ENTHD1: variants seen among roughly 807,000 people sequenced by gnomAD.
The protein encoded by ENTHD1 is ENTH domain containing 1, also known as ENTH domain-containing protein 1.
ENTHD1 carries 23 observed loss-of-function variants against 39.1 expected under a neutral mutation model. That is an observed-to-expected ratio of 0.59 (90% CI 0.42 to 0.83). ENTHD1 has a LOEUF of 0.83. Among genes scored for constraint, ENTHD1 ranks in the 40% least tolerant of loss-of-function variants. The pLI, the probability that ENTHD1 is intolerant of heterozygous loss-of-function variation, is 0.00. For missense variants in ENTHD1, 624 were observed against 705.4 expected (o/e 0.88, Z 1.31); for synonymous variants, 230 against 258.2 (o/e 0.89, Z 1.05).
chr22:39,783,725 T>C (rs2146589584), intron 5 of ENTHD1, among the ~76,000 whole-genome samples: 1 of 152,264 alleles, frequency 6.6e-6, no homozygotes, highest in Middle Eastern at 3.4e-3. Context: ...GATCCCTATC[T>C]CTCGCTATAC....
Position 39,756,327 on chromosome 22 carries a change from C to CAG in ENTHD1, c.1219+8895_1219+8896insCT, listed in dbSNP as rs1362375716. 6.2e-3 allele frequency among the ~76,000 whole-genome samples: 937 copies of CAG among 151,822 alleles called. 37 individuals are homozygous for CAG. In the South Asian group the frequency reaches 0.084, roughly 14 times the overall value. On this transcript the variant is annotated intron_variant, in intron 6 of 6. Transcript: ENST00000325157. The stretch of plus-strand genomic sequence containing the variant: ...TCTCTCTCTCTCTCTCACACACACA[C>CAG]ACACACACACACGCACACACTTTTT...
intron 3 of ENTHD1, among the ~76,000 whole-genome samples, chr22:39,858,973 C>G (rs1004371498): frequency 6.6e-6 from 1 of 152,214 alleles, no homozygotes; most frequent in Non-Finnish European, 1.5e-5. Context: ...CATTGAAAAT[C>G]TATTTAGTGT....
intron 6 of ENTHD1, chr22:39,750,765 A>C (rs1414859543): frequency 2.0e-5 from 3 of 153,604 alleles, no homozygotes; most frequent in African/African-American, 7.2e-5. Context: ...AATAAAAATC[A>C]GTTTCCAAGT....
rs114031096 is a variant in ENTHD1 at position 39,874,539 on chromosome 22, A to C, written c.350-12532T>G. 1.8e-3 allele frequency: 272 copies of C among 152,328 alleles called. 2 individuals carry two copies. Among genetic ancestry groups the C allele is most frequent in the African/African-American group, 6.3e-3 (262 of 41,566 alleles). The allele number at this position is 152,328 out of a possible 1,614,324, so 9.4% of individuals were successfully genotyped here. A position where few individuals can be genotyped will look rare whatever the true frequency, so the allele number is the denominator to read the frequency against. ...CCAAAATGACAAACTTCTACTCATCATAAGACAACATTAGAAATGGAAAAG... is the reference window on the plus strand; with the variant it reads ...CCAAAATGACAAACTTCTACTCATCCTAAGACAACATTAGAAATGGAAAAG... On this transcript the variant is annotated intron_variant, in intron 2 of 6. Coordinates refer to ENST00000325157, the MANE Select transcript of ENTHD1 (RefSeq NM_152512.4).
chr22:39,761,441 T>C (rs2065232098), intron 6 of ENTHD1, among the ~76,000 whole-genome samples: 1 of 152,146 alleles, frequency 6.6e-6, no homozygotes, highest in East Asian at 1.9e-4. Flanking sequence ...TGAAATTCAT[T>C]GGGCATTTTG....
chr22:39,871,082 A>ACTCT lies in ENTHD1; in HGVS notation c.350-9076_350-9075insAGAG, dbSNP rs557450741. ...ACTTGTAGTCCCCACTACTCAGGAGACAACTTGAGCCCAGGAGTTGGAAGC... is the reference window on the plus strand; with the variant it reads ...ACTTGTAGTCCCCACTACTCAGGAGACTCTCAACTTGAGCCCAGGAGTTGGAAGC... On this transcript the variant is annotated intron_variant, in intron 2 of 6. Transcript: ENST00000325157. Among the ~76,000 whole-genome samples, 132 of 152,048 alleles carry ACTCT rather than the reference A, an allele frequency of 8.7e-4. No homozygotes were observed. The South Asian group carries it at 0.027, about 31-fold the overall frequency.
intron 1 of ENTHD1, among the ~76,000 whole-genome samples, chr22:39,890,111 TAAATAAA>T (rs2066414741): frequency 7.0e-6 from 1 of 142,980 alleles, no homozygotes; most frequent in South Asian, 2.2e-4. Flanking sequence ...AATAAATAAA[TAAATAAA>T]TAAATAAATA....
At chr22:39,893,021 G>A (rs1174765268) in intron 1 of ENTHD1, among the ~76,000 whole-genome samples, 1 of 152,092 alleles carries the variant, frequency 6.6e-6, no homozygotes, top group Non-Finnish European at 1.5e-5. Context: ...GGAGAAACAG[G>A]TGCACAAGAC....
chr22:39,864,090 A>G (rs1005818644), intron 2 of ENTHD1, among the ~76,000 whole-genome samples: 2 of 152,250 alleles, frequency 1.3e-5, no homozygotes, highest in Non-Finnish European at 2.9e-5. Context: ...TGTGATAAAC[A>G]GAAGTCGGCT....
intron 2 of ENTHD1, among the ~76,000 whole-genome samples, chr22:39,868,379 AACATGAGTGGTT>A (rs979604604): frequency 6.6e-6 from 1 of 151,896 alleles, no homozygotes; most frequent in African/African-American, 2.4e-5. Flanking sequence ...GAAGGAAATG[AACATGAGTGGTT>A]GTGGGAAAAA....
intron 2 of ENTHD1, chr22:39,875,833 G>A (rs2066284798): frequency 6.2e-7 from 1 of 1,613,914 alleles, no homozygotes; most frequent in Admixed American, 1.7e-5. Context: ...ATAGAACCCA[G>A]AAGGAAATTA....
intron 5 of ENTHD1, among the ~76,000 whole-genome samples, chr22:39,797,885 C>G (rs536776295): frequency 3.9e-5 from 6 of 152,180 alleles, no homozygotes; most frequent in Admixed American, 2.0e-4. Context: ...TGATGTTTGA[C>G]AGTTTGGTTA....
intron 2 of ENTHD1, among the ~76,000 whole-genome samples, chr22:39,885,648 A>G (rs1756729588): frequency 6.6e-6 from 1 of 152,242 alleles, no homozygotes; most frequent in South Asian, 2.1e-4. Flanking sequence ...TATTATTCAG[A>G]CATAAAAGGA....
At chr22:39,866,696 C>T (rs1032586034) in intron 2 of ENTHD1, among the ~76,000 whole-genome samples, 46 of 152,228 alleles carry the variant, frequency 3.0e-4, no homozygotes, top group African/African-American at 1.1e-3. Context: ...CCAGGCCCTG[C>T]TTTCAAACAC....
At chr22:39,785,422 G>T (rs1008479852) in intron 5 of ENTHD1, among the ~76,000 whole-genome samples, 12 of 152,164 alleles carry the variant, frequency 7.9e-5, no homozygotes, top group Non-Finnish European at 1.6e-4. Context: ...AGTCGGCTTT[G>T]ATCTGCTTTG....
chr22:39,751,863 G>T (rs1021799855), intron 6 of ENTHD1, among the ~76,000 whole-genome samples: 2 of 152,098 alleles, frequency 1.3e-5, no homozygotes, highest in South Asian at 4.1e-4. Flanking sequence ...CTATGTAAAT[G>T]TGTATGTCTG....
intron 5 of ENTHD1, among the ~76,000 whole-genome samples, chr22:39,767,673 A>G (rs2065287752): frequency 6.6e-6 from 1 of 152,244 alleles, no homozygotes; most frequent in Non-Finnish European, 1.5e-5. Flanking sequence ...CTCTATATGT[A>G]ATAAGATCAT....
intron 6 of ENTHD1, among the ~76,000 whole-genome samples, chr22:39,761,071 G>A (rs1019368279): frequency 6.6e-6 from 1 of 151,984 alleles, no homozygotes; most frequent in Non-Finnish European, 1.5e-5. Flanking sequence ...TGTAGATTCA[G>A]GTAACTAGCA....
At chr22:39,816,041 G>A (rs74569259) in intron 5 of ENTHD1, among the ~76,000 whole-genome samples, 9,138 of 152,260 alleles carry the variant, frequency 0.06, 384 homozygotes, top group South Asian at 0.12. Context: ...TAGTGCTAGT[G>A]GGGGTGTGAG....
Sources: allele counts gnomAD v4.1 joint callset (sites outside exome capture counted in the v4.1 genomes callset), GRCh38; gene constraint gnomAD v4.1.1; transcripts MANE v1.5; gene names NCBI Gene and HGNC (gene_info 2026-07-23, HGNC 2026-07-21).